The following TANGO6 variants were observed in gnomAD, a reference collection of about 807,000 sequenced individuals.
TANGO6 encodes transport and Golgi organization protein 6 homolog.
Under a neutral mutation model 114.2 loss-of-function variants are expected in TANGO6, and 90 were observed. That is an observed-to-expected ratio of 0.79 (90% CI 0.66 to 0.94). TANGO6 has a LOEUF of 0.94. TANGO6 is among the 40% of genes least tolerant of loss of function. The probability of loss-of-function intolerance (pLI) is 0.00; values close to 1 mark genes in which losing one functional copy is unlikely to be tolerated. For synonymous variants in TANGO6, 477 were observed against 509.8 expected, an observed-to-expected ratio of 0.94 and a Z score of 0.87; for missense variants, 1,274 against 1,315.3, an observed-to-expected ratio of 0.97 and a Z score of 0.49.
intron 7 of TANGO6, among the ~76,000 whole-genome samples, chr16:68,883,049 T>C (rs1347044576): frequency 6.6e-6 from 1 of 151,624 alleles, no homozygotes; most frequent in East Asian, 1.9e-4. Flanking sequence ...ATACAAAGAT[T>C]AGCTGGATGT....
At chr16:68,867,753 T>C (rs113454120) in intron 4 of TANGO6, 14,835 of 149,366 alleles carry the variant, frequency 0.099, 808 homozygotes, top group Non-Finnish European at 0.13. Flanking sequence ...AGGAGAATCA[T>C]TTGAACTTTG....
chr16:69,057,315 C>T (rs11075704), intron 17 of TANGO6, among the ~76,000 whole-genome samples: 92,679 of 151,936 alleles, frequency 0.61, 28,592 homozygotes, highest in Admixed American at 0.67. Context: ...GCATTTACTA[C>T]ATGACAGCAC....
chr16:68,873,515 T>C (rs774297973), intron 4 of TANGO6, among the ~76,000 whole-genome samples: 12 of 143,070 alleles, frequency 8.4e-5, no homozygotes, highest in Admixed American at 3.7e-4. Context: ...GGTTTCACCA[T>C]GTAGGCCAGG....
chr16:68,940,597 T>C (rs928355312), intron 14 of TANGO6, among the ~76,000 whole-genome samples: 1 of 152,044 alleles, frequency 6.6e-6, no homozygotes, highest in Non-Finnish European at 1.5e-5. Context: ...TGGTGAACTT[T>C]CTATGTGGCC....
At chr16:68,925,293 G>A (rs1597022869) in intron 12 of TANGO6, among the ~76,000 whole-genome samples, 1 of 152,272 alleles carries the variant, frequency 6.6e-6, no homozygotes, top group East Asian at 1.9e-4. Context: ...CTGAGCAATA[G>A]AGCAAGACTC....
At chr16:68,892,511 C>CTT (rs57046490) in intron 7 of TANGO6, among the ~76,000 whole-genome samples, 11,451 of 138,216 alleles carry the variant, frequency 0.083, 487 homozygotes, top group African/African-American at 0.1. Context: ...TTCAGTCTTT[C>CTT]TTTTTTTTTT....
At chr16:68,861,595 G>A (rs986846835) in intron 2 of TANGO6, among the ~76,000 whole-genome samples, 1 of 152,146 alleles carries the variant, frequency 6.6e-6, no homozygotes, top group Admixed American at 6.6e-5. Flanking sequence ...TCTTATTACT[G>A]TTACTGAGGC....
At chr16:68,950,291 C>T (rs997052108) in intron 14 of TANGO6, among the ~76,000 whole-genome samples, 6 of 152,178 alleles carry the variant, frequency 3.9e-5, no homozygotes, top group Non-Finnish European at 7.3e-5. Context: ...AAAGGCCACA[C>T]GTGGTGGCTC....
intron 15 of TANGO6, among the ~76,000 whole-genome samples, chr16:69,015,852 T>G (rs1014614632): frequency 1.3e-5 from 2 of 152,156 alleles, no homozygotes; most frequent in Non-Finnish European, 2.9e-5. Context: ...AACGTTAAGT[T>G]GCAGTTTTGT....
intron 17 of TANGO6, among the ~76,000 whole-genome samples, chr16:69,076,245 C>T (rs376948218): frequency 7.3e-5 from 11 of 151,374 alleles, no homozygotes; most frequent in African/African-American, 2.7e-4. Context: ...GCACCCACCA[C>T]CACGCCTGGC....
intron 9 of TANGO6, 82 bp from the exon 10 acceptor site, chr16:68,907,361 T>C (rs1462749474): frequency 2.1e-6 from 3 of 1,395,638 alleles, no homozygotes; most frequent in Non-Finnish European, 1.9e-6. Context: ...CATAACATGT[T>C]ACTTTAGAAG....
At chr16:68,977,838 A>T (rs918176376) in intron 15 of TANGO6, among the ~76,000 whole-genome samples, 2 of 151,302 alleles carry the variant, frequency 1.3e-5, no homozygotes, top group Middle Eastern at 3.4e-3. Context: ...GGCCCACACC[A>T]CCACGCCCGG....
chr16:68,976,180 C>T (rs1256664970), intron 15 of TANGO6, among the ~76,000 whole-genome samples: 2 of 152,168 alleles, frequency 1.3e-5, no homozygotes, highest in African/African-American at 2.4e-5. Context: ...GCAGTCTTCC[C>T]ACCTTGGCTT....
chr16:68,879,898 G>T (rs1962430447), intron 6 of TANGO6, among the ~76,000 whole-genome samples: 1 of 151,542 alleles, frequency 6.6e-6, no homozygotes, highest in African/African-American at 2.4e-5. Flanking sequence ...TTACAGGCGT[G>T]AGCCACCACA....
chr16:69,002,914 C>T (rs1303752228), intron 15 of TANGO6, among the ~76,000 whole-genome samples: 3 of 151,882 alleles, frequency 2.0e-5, no homozygotes, highest in African/African-American at 7.3e-5. Context: ...TGGTGGCACA[C>T]ACCTATAGTC....
At chr16:69,008,642 GT>G (rs920983562) in intron 15 of TANGO6, among the ~76,000 whole-genome samples, 14 of 147,274 alleles carry the variant, frequency 9.5e-5, no homozygotes, top group African/African-American at 3.2e-4. Context: ...TGTTTGTTTG[GT>G]TTTTTTTTTG....
intron 15 of TANGO6, among the ~76,000 whole-genome samples, chr16:69,017,003 T>C (rs568588642): frequency 2.0e-5 from 3 of 152,308 alleles, no homozygotes; most frequent in South Asian, 4.1e-4. Context: ...ACGTTATTTA[T>C]TGTAAGTTGC....
chr16:69,043,686 GGA>G (rs1157072996), intron 17 of TANGO6, among the ~76,000 whole-genome samples: 3 of 152,156 alleles, frequency 2.0e-5, no homozygotes, highest in African/African-American at 4.8e-5. Context: ...AATGAGAAGT[GGA>G]GATAACCACA....
At chr16:68,935,542 CTG>C (rs549879809) in intron 14 of TANGO6, among the ~76,000 whole-genome samples, 230 of 152,164 alleles carry the variant, frequency 1.5e-3, no homozygotes, top group African/African-American at 4.9e-3. Context: ...TTAGGAAAAA[CTG>C]TGTGTATCTC....
Sources: gnomAD v4.1 joint callset for allele counts (sites outside exome capture counted in the v4.1 genomes callset) on GRCh38, gnomAD v4.1.1 for gene constraint, MANE v1.5 for transcripts, NCBI Gene and HGNC (gene_info 2026-07-23, HGNC 2026-07-21) for gene names.